The following GMDS variants were observed in gnomAD, a reference collection of about 807,000 sequenced individuals.
The protein encoded by GMDS is GDP-mannose 4,6 dehydratase.
Under a neutral mutation model 49.9 loss-of-function variants are expected in GMDS, and 20 were observed. That is an observed-to-expected ratio of 0.40 (90% CI 0.28 to 0.58). The LOEUF is 0.58. Ranked by LOEUF, GMDS falls within the 20% of genes least tolerant of loss-of-function variation. The pLI is 0.42. For synonymous variants in GMDS, 177 were observed against 178.6 expected (o/e 0.99, Z 0.07); for missense variants, 362 against 481.4 (o/e 0.75, Z 2.32).
intron 7 of GMDS, among the ~76,000 whole-genome samples, chr6:1,902,519 T>A (rs527598244): frequency 7.7e-4 from 118 of 152,320 alleles, no homozygotes; most frequent in African/African-American, 2.7e-3. Flanking sequence ...TCCTCAGTAA[T>A]CTCAATAGAA....
rs573576459 is a variant in GMDS, at chr6:2,172,208, G to GA, written c.103-47478dup. Among the ~76,000 whole-genome samples, 746 of 152,146 alleles carry GA rather than the reference G, an allele frequency of 4.9e-3. 2 individuals carry two copies. Among genetic ancestry groups the GA allele is most frequent in the Non-Finnish European group, 8.1e-3 (550 of 67,984 alleles). ...AAGACAAAGTCTCTCAGATTGAGGA[G>GA]AAAAAATGAGATACTACCTCTCAAA... On this transcript the variant is annotated intron_variant, in intron 1 of 10. Coordinates refer to ENST00000380815, the MANE Select transcript of GMDS (RefSeq NM_001500.4).
chr6:2,076,986 T>C (rs1772381643), intron 4 of GMDS, among the ~76,000 whole-genome samples: 1 of 152,214 alleles, frequency 6.6e-6, no homozygotes, highest in Non-Finnish European at 1.5e-5. Flanking sequence ...ATCCATCTTT[T>C]GTAGTTTGCT....
intron 4 of GMDS, among the ~76,000 whole-genome samples, chr6:2,042,032 C>T (rs1427097884): frequency 3.3e-5 from 5 of 152,106 alleles, no homozygotes; most frequent in South Asian, 2.1e-4. Context: ...TTGGGTCAAA[C>T]GCCCTGATCA....
At chr6:2,184,458 C>A (rs1233592878) in intron 1 of GMDS, among the ~76,000 whole-genome samples, 1 of 152,142 alleles carries the variant, frequency 6.6e-6, no homozygotes, top group Non-Finnish European at 1.5e-5. Context: ...ATCCCTTGAA[C>A]ACACTAACTA....
chr6:1,717,874 C>T (rs370277905), intron 9 of GMDS, among the ~76,000 whole-genome samples: 1 of 152,094 alleles, frequency 6.6e-6, no homozygotes, highest in Non-Finnish European at 1.5e-5. Flanking sequence ...ACCTGACTTC[C>T]AGGACATAGT....
At chr6:1,921,462 A>G (rs1761711760) in intron 7 of GMDS, among the ~76,000 whole-genome samples, 1 of 152,262 alleles carries the variant, frequency 6.6e-6, no homozygotes, top group Non-Finnish European at 1.5e-5. Context: ...CTAGCCAGAT[A>G]AAACAGGCAA....
intron 6 of GMDS, among the ~76,000 whole-genome samples, chr6:1,944,217 TCA>T (rs1009097269): frequency 2.0e-5 from 3 of 152,188 alleles, no homozygotes; most frequent in African/African-American, 7.2e-5. Flanking sequence ...TCCTAAAATT[TCA>T]CACTCAGCTG....
intron 6 of GMDS, among the ~76,000 whole-genome samples, chr6:1,953,651 T>C (rs1383035801): frequency 6.6e-6 from 1 of 152,254 alleles, no homozygotes; most frequent in African/African-American, 2.4e-5. Flanking sequence ...GTTATTCTTC[T>C]TATTTACCTC....
chr6:1,984,437 T>A (rs769475714), intron 4 of GMDS, among the ~76,000 whole-genome samples: 1 of 135,270 alleles, frequency 7.4e-6, no homozygotes, highest in Non-Finnish European at 1.5e-5. Context: ...AGCCAGTGAG[T>A]AATCTAATGA....
intron 7 of GMDS, among the ~76,000 whole-genome samples, chr6:1,927,547 C>A (rs1762085421): frequency 6.6e-6 from 1 of 152,202 alleles, no homozygotes; most frequent in South Asian, 2.1e-4. Flanking sequence ...CTACTGGAGC[C>A]AAAATGTATA....
At chr6:2,186,769 G>A (rs1220830846) in intron 1 of GMDS, among the ~76,000 whole-genome samples, 8 of 152,232 alleles carry the variant, frequency 5.3e-5, no homozygotes, top group Admixed American at 5.2e-4. Context: ...TGAAATTACT[G>A]AGTGGTTATG....
Position 2,013,838 on chromosome 6 carries a change from A to AG in GMDS, c.346-52873dup. Among the ~76,000 whole-genome samples the AG allele has an allele frequency of 4.4e-5, 3 of 68,424 alleles. No individual in the cohort carries two copies. In the Admixed American group the frequency reaches 5.3e-4, roughly 12 times the overall value. 44.9% of individuals were successfully genotyped at this position (68,424 alleles called of 152,430 possible). A position where few individuals can be genotyped will look rare whatever the true frequency, so the allele number is the denominator to read the frequency against. Reference sequence around the variant, plus strand: ...TGCCAGAAAAAGAGCAAAGAAAGGAAGAAATGGCTGAGAATTTCCCAAATC... The same window carrying AG: ...TGCCAGAAAAAGAGCAAAGAAAGGAAGGAAATGGCTGAGAATTTCCCAAATC... On this transcript the variant is annotated intron_variant, in intron 4 of 10. Coordinates refer to ENST00000380815, the MANE Select transcript of GMDS (RefSeq NM_001500.4).
chr6:1,788,031 T>A (rs1423650221), intron 7 of GMDS, among the ~76,000 whole-genome samples: 1 of 152,142 alleles, frequency 6.6e-6, no homozygotes, highest in Non-Finnish European at 1.5e-5. Context: ...GGCAGGTTGC[T>A]CACCCTTGCT....
chr6:1,674,558 C>CT (rs1561718294), intron 9 of GMDS, among the ~76,000 whole-genome samples: 1 of 71,426 alleles, frequency 1.4e-5, no homozygotes, highest in East Asian at 4.1e-4. Flanking sequence ...CTCTCTCTCT[C>CT]TCTTTTTTTT....
At chr6:2,146,419 T>C (rs1343427655) in intron 1 of GMDS, among the ~76,000 whole-genome samples, 2 of 152,116 alleles carry the variant, frequency 1.3e-5, no homozygotes, top group African/African-American at 2.4e-5. Flanking sequence ...AACTGAAGAA[T>C]GGTAAAAATG....
chr6:1,890,684 TTCAA>T (rs1759828237), intron 7 of GMDS, among the ~76,000 whole-genome samples: 5 of 152,220 alleles, frequency 3.3e-5, no homozygotes, highest in Admixed American at 3.3e-4. Flanking sequence ...CACCTGTGTT[TTCAA>T]TCAATCAGCC....
intron 1 of GMDS, among the ~76,000 whole-genome samples, chr6:2,150,446 A>G (rs1405409129): frequency 6.6e-6 from 1 of 152,216 alleles, no homozygotes; most frequent in Non-Finnish European, 1.5e-5. Flanking sequence ...GCCTCTGGCT[A>G]TAAAGTCTAC....
chr6:2,037,719 G>C (rs547618084), intron 4 of GMDS, among the ~76,000 whole-genome samples: 2 of 152,130 alleles, frequency 1.3e-5, no homozygotes, highest in East Asian at 3.9e-4. Context: ...TGGTTGCTTG[G>C]GATTTGGTTC....
At chr6:2,207,190 C>G (rs1333720566) in intron 1 of GMDS, among the ~76,000 whole-genome samples, 1 of 152,184 alleles carries the variant, frequency 6.6e-6, no homozygotes, top group Admixed American at 6.5e-5. Context: ...CCTTCTATAT[C>G]TGGCTTCTAC....
Sources: allele counts gnomAD v4.1 joint callset (sites outside exome capture counted in the v4.1 genomes callset), GRCh38; gene constraint gnomAD v4.1.1; transcripts MANE v1.5; gene names NCBI Gene and HGNC (gene_info 2026-07-23, HGNC 2026-07-21).